SF3B3: variants seen among roughly 807,000 people sequenced by gnomAD.
The protein encoded by SF3B3 is splicing factor 3b subunit 3, also known as SAP 130.
A neutral mutation model predicts 139.2 loss-of-function variants in SF3B3; 33 were observed. That is an observed-to-expected ratio of 0.24 (90% CI 0.18 to 0.32). SF3B3 has a LOEUF of 0.32. Among genes scored for constraint, SF3B3 ranks in the 10% least tolerant of loss-of-function variants. The pLI, the probability that SF3B3 is intolerant of heterozygous loss-of-function variation, is 1.00. For synonymous variants in SF3B3, 596 were observed against 563.6 expected (o/e 1.06, Z -0.81); for missense variants, 818 against 1,509.4 (o/e 0.54, Z 7.59).
chr16:70,570,338 T>TTTTG lies in SF3B3; in HGVS notation c.3408+192_3408+193insGTTT, dbSNP rs2050516948. On this transcript the variant is annotated intron_variant, in intron 24 of 25. Coordinates refer to ENST00000302516, the MANE Select transcript of SF3B3 (RefSeq NM_012426.5). ...CACCCAGGGAAGGCCATTTGGTTTT[T>TTTTG]TTTTTTTTTTTTGCGACGGAGTCTC... 2.7e-5 allele frequency among the ~76,000 whole-genome samples: 4 copies of TTTTG among 148,358 alleles called. No individual in the cohort carries two copies. In the Middle Eastern group the frequency reaches 0.01, roughly 386 times the overall value.
At position 70,532,058 on chromosome 16, in the gene SF3B3, C is replaced by T. The variant is rs113085301; in HGVS notation, c.571-421C>T. Among the ~76,000 whole-genome samples the T allele has an allele frequency of 6.6e-3, 1,006 of 152,206 alleles. 13 individuals carry two copies. The highest frequency in any genetic ancestry group is 0.023 in the African/African-American group (941 of 41,508). The stretch of plus-strand genomic sequence containing the variant: ...CGCCTGTAATCCAAGTTTGGGAGGC[C>T]GAGGCGGGCAGATCACCTGAGGTCA... On this transcript the variant is annotated intron_variant, in intron 4 of 25. Transcript: ENST00000302516.
chr16:70,569,865 A>G, intron 23 of SF3B3, 141 bp from the exon 24 acceptor site: 2 of 889,978 alleles, frequency 2.2e-6, no homozygotes, highest in Non-Finnish European at 3.4e-6. Flanking sequence ...GGGCTCAAGC[A>G]ATCCTCCCAC....
At chr16:70,533,032 G>A (rs2050135782) in intron 5 of SF3B3, among the ~76,000 whole-genome samples, 1 of 152,154 alleles carries the variant, frequency 6.6e-6, no homozygotes, top group African/African-American at 2.4e-5. Context: ...TATTTTTGAA[G>A]ACGATTACCA....
chr16:70,538,534 G>C, intron 7 of SF3B3, 74 bp downstream of exon 7: 4 of 1,326,384 alleles, frequency 3.0e-6, no homozygotes, highest in Non-Finnish European at 4.2e-6. Flanking sequence ...TACTTTACAA[G>C]TTAAAAAAAT....
At chr16:70,548,139 A>G (rs1014145418) in intron 10 of SF3B3, among the ~76,000 whole-genome samples, 1 of 152,172 alleles carries the variant, frequency 6.6e-6, no homozygotes. Context: ...TGCCTGCAGC[A>G]ACTGTACCCT....
intron 8 of SF3B3, among the ~76,000 whole-genome samples, chr16:70,539,800 G>T: frequency 6.7e-6 from 1 of 149,288 alleles, no homozygotes; most frequent in Non-Finnish European, 1.5e-5. Context: ...TTTTGAAGTG[G>T]AGTTTTGCCC....
rs886689611 is a variant in SF3B3, at chr16:70,575,297, C to G, written c.*3484C>G. The G allele has an allele frequency of 7.0e-6, 1 of 143,004 alleles. No individual in the cohort carries two copies. The highest frequency in any genetic ancestry group is 1.5e-5 in the Non-Finnish European group (1 of 67,086). 8.9% of individuals were successfully genotyped at this position (143,004 alleles called of 1,614,324 possible). ...CACCACAGCCTCCGCCTCCTGGGTT[C>G]AAGCAATTCTCCTGCCTCAGCCTCC... On this transcript the variant is annotated 3_prime_UTR_variant, in exon 26 of 26. Transcript: ENST00000302516.
At chr16:70,548,336 C>G (rs2050288587) in intron 10 of SF3B3, 34 bp from the exon 11 acceptor site, 3 of 1,581,612 alleles carry the variant, frequency 1.9e-6, no homozygotes, top group Non-Finnish European at 2.6e-6. Flanking sequence ...GTTGCATGCT[C>G]ACTGGATCTG....
At position 70,576,884 on chromosome 16, in the gene SF3B3, C is replaced by CTT. The variant is rs2050585839; in HGVS notation, c.*5073_*5074dup. On this transcript the variant is annotated 3_prime_UTR_variant, in exon 26 of 26. Coordinates refer to ENST00000302516, the MANE Select transcript of SF3B3 (RefSeq NM_012426.5). ...GTGGCTCACACCTGTAATCCCAGCA[C>CTT]TTTGAGAGGCTGAGGCAGGAGGATC... 1 of 152,296 alleles carries CTT rather than the reference C, an allele frequency of 6.6e-6. No individual in the cohort carries two copies. The highest frequency in any genetic ancestry group is 6.6e-5 in the Admixed American group (1 of 15,264). 9.4% of individuals were successfully genotyped at this position (152,296 alleles called of 1,614,324 possible). A position where few individuals can be genotyped will look rare whatever the true frequency, so the allele number is the denominator to read the frequency against.
At chr16:70,560,433 C>A in intron 15 of SF3B3, 36 bp from the exon 16 acceptor site, 1 of 1,606,060 alleles carries the variant, frequency 6.2e-7, no homozygotes, top group Admixed American at 1.7e-5. Flanking sequence ...TGATAAGCTT[C>A]CATCAGGCTT....
chr16:70,552,004 C>T (rs535180823), intron 11 of SF3B3, among the ~76,000 whole-genome samples: 75 of 152,284 alleles, frequency 4.9e-4, no homozygotes, highest in Non-Finnish European at 8.8e-5. Flanking sequence ...CGTTGGCTCT[C>T]CCACTTGTTG....
chr16:70,572,353 C>A lies in SF3B3; in HGVS notation c.*540C>A. ...GAGGATGTAGGTGGGAGGTTTGAAC[C>A]CAAGTTAGAGCAGGAAGAACTGAGT... On this transcript the variant is annotated 3_prime_UTR_variant, in exon 26 of 26. Transcript: ENST00000302516. 1 of 246,452 alleles carries A rather than the reference C, an allele frequency of 4.1e-6. No individual in the cohort carries two copies. The highest frequency in any genetic ancestry group is 4.0e-5 in the South Asian group (1 of 25,002). 15.3% of individuals were successfully genotyped at this position (246,452 alleles called of 1,614,324 possible).
intron 6 of SF3B3, among the ~76,000 whole-genome samples, chr16:70,535,897 C>T (rs2050161246): frequency 6.6e-6 from 1 of 151,474 alleles, no homozygotes; most frequent in African/African-American, 2.4e-5. Flanking sequence ...ATGATATATC[C>T]ATATACTTTC....
intron 5 of SF3B3, among the ~76,000 whole-genome samples, 156 bp from the exon 6 acceptor site, chr16:70,535,152 T>A (rs891558251): frequency 1.3e-5 from 2 of 152,224 alleles, no homozygotes; most frequent in African/African-American, 4.8e-5. Flanking sequence ...TTCATCCTTA[T>A]CTACCATGAA....
rs1307705914 is a variant in SF3B3 at position 70,576,776 on chromosome 16, C to T, written c.*4963C>T. On this transcript the variant is annotated 3_prime_UTR_variant, in exon 26 of 26. Coordinates refer to ENST00000302516, the MANE Select transcript of SF3B3 (RefSeq NM_012426.5). ...AGAGCACTGTATACAGTCAGATGAC[C>T]TGGGCTCACTAGCCTCTAAGCATAG... 1 of 152,178 alleles carries T rather than the reference C, an allele frequency of 6.6e-6. No individual in the cohort carries two copies. The highest frequency in any genetic ancestry group is 2.4e-5 in the African/African-American group (1 of 41,442). 9.4% of individuals were successfully genotyped at this position (152,178 alleles called of 1,614,324 possible). A position where few individuals can be genotyped will look rare whatever the true frequency, so the allele number is the denominator to read the frequency against.
At chr16:70,554,383 T>C (rs904460617) in intron 11 of SF3B3, 63 bp from the exon 12 acceptor site, 30 of 1,522,406 alleles carry the variant, frequency 2.0e-5, no homozygotes, top group Non-Finnish European at 2.2e-5. Flanking sequence ...CTCTTAGTGT[T>C]TCATTTGGCT....
intron 15 of SF3B3, among the ~76,000 whole-genome samples, chr16:70,558,271 TG>T (rs1443990985): frequency 1.2e-5 from 1 of 86,860 alleles, no homozygotes. Context: ...GTAATTTTAA[TG>T]TTTTTTTTTT....
rs747182921 is a variant in SF3B3, at chr16:70,530,819, C to T, written c.472C>T (p.Leu158=). The change falls in exon 4 of 26, where the codon CTG becomes TTG. Residue 158 remains leucine (L), a synonymous_variant. Transcript: ENST00000302516. ...AGCCCGACTTACCATTTCATCTCCC[C>T]TGGAAGCCCACAAAGCAAACACTTT... is the stretch of plus-strand genomic sequence containing the variant. ...AAARLTISSP[L]EAHKANTLVY... 1.9e-5 allele frequency: 31 copies of T among 1,614,098 alleles called. No individual in the cohort carries two copies. The highest frequency in any genetic ancestry group is 2.6e-5 in the Non-Finnish European group (31 of 1,179,978).
At chr16:70,527,546 T>A (rs998840938) in intron 2 of SF3B3, among the ~76,000 whole-genome samples, 1 of 152,148 alleles carries the variant, frequency 6.6e-6, no homozygotes, top group Non-Finnish European at 1.5e-5. Context: ...CATGTTGTTA[T>A]TTTCTCTGAT....
Sources: gnomAD v4.1 joint callset for allele counts (sites outside exome capture counted in the v4.1 genomes callset) on GRCh38, gnomAD v4.1.1 for gene constraint, MANE v1.5 for transcripts, NCBI Gene and HGNC (gene_info 2026-07-23, HGNC 2026-07-21) for gene names.